The following PAK5 variants were observed in gnomAD, a reference collection of about 807,000 sequenced individuals.
PAK5 encodes serine/threonine-protein kinase PAK 5.
In PAK5, 16 loss-of-function variants were observed where a neutral mutation model predicts 65.9. The observed-to-expected ratio is 0.24, with a 90% CI of 0.16 to 0.37. The LOEUF is 0.37. Among genes scored for constraint, PAK5 ranks in the 10% least tolerant of loss-of-function variants. The pLI is 1.00. For missense variants in PAK5, 785 were observed against 903.9 expected, an observed-to-expected ratio of 0.87 and a Z score of 1.69; for synonymous variants, 371 against 354.9, an observed-to-expected ratio of 1.05 and a Z score of -0.51.
chr20:9,586,459 G>A (rs953669054), intron 3 of PAK5, among the ~76,000 whole-genome samples: 1 of 151,986 alleles, frequency 6.6e-6, no homozygotes, highest in Admixed American at 6.6e-5. Context: ...GTCAAAAAGA[G>A]GCATCTATTT....
chr20:9,611,247 G>A (rs764157868), intron 3 of PAK5, among the ~76,000 whole-genome samples: 1 of 152,176 alleles, frequency 6.6e-6, no homozygotes, highest in African/African-American at 2.4e-5. Context: ...TTTAAGTGGA[G>A]GCAATTGAGA....
chr20:9,694,827 G>A (rs551394955), intron 2 of PAK5, among the ~76,000 whole-genome samples: 1 of 152,016 alleles, frequency 6.6e-6, no homozygotes, highest in South Asian at 2.1e-4. Context: ...TTCTAATTCA[G>A]GACTTTTAAA....
intron 1 of PAK5, among the ~76,000 whole-genome samples, chr20:9,820,068 A>G (rs1258667374): frequency 6.6e-6 from 1 of 152,210 alleles, no homozygotes; most frequent in African/African-American, 2.4e-5. Flanking sequence ...CTTCTGCTAT[A>G]CAGGTCAACA....
At chr20:9,550,731 G>GGTGTGTGTGTGTGTGT (rs111410496) in intron 7 of PAK5, among the ~76,000 whole-genome samples, 78 of 148,566 alleles carry the variant, frequency 5.3e-4, no homozygotes, top group East Asian at 4.0e-3. Context: ...CCATAATTGT[G>GGTGTGTGTGTGTGTGT]GTGTGTGTGT....
chr20:9,574,280 C>G (rs1028558102), intron 4 of PAK5, among the ~76,000 whole-genome samples: 2 of 152,168 alleles, frequency 1.3e-5, no homozygotes, highest in African/African-American at 4.8e-5. Flanking sequence ...CAAAGCCTAG[C>G]TATATGAAGC....
chr20:9,655,019 T>C (rs1051263095), intron 2 of PAK5, among the ~76,000 whole-genome samples: 5 of 152,180 alleles, frequency 3.3e-5, no homozygotes, highest in African/African-American at 9.7e-5. Flanking sequence ...GTCTACCCTG[T>C]CCACGCCACC....
chr20:9,708,951 C>T (rs758214274), intron 2 of PAK5, among the ~76,000 whole-genome samples: 10 of 152,158 alleles, frequency 6.6e-5, no homozygotes, highest in South Asian at 6.2e-4. Flanking sequence ...CACATCCACA[C>T]TACCCTACAA....
intron 7 of PAK5, among the ~76,000 whole-genome samples, chr20:9,555,651 A>C (rs916721353): frequency 2.0e-5 from 3 of 152,158 alleles, no homozygotes; most frequent in African/African-American, 7.2e-5. Flanking sequence ...AAATGCATAC[A>C]CAGTCTTCTT....
intron 2 of PAK5, among the ~76,000 whole-genome samples, chr20:9,659,302 A>T (rs992722491): frequency 1.3e-5 from 2 of 152,208 alleles, no homozygotes; most frequent in African/African-American, 2.4e-5. Context: ...AGAGAACCTT[A>T]TGTAACCTTA....
chr20:9,688,709 A>G (rs973011590), intron 2 of PAK5, among the ~76,000 whole-genome samples: 5 of 151,928 alleles, frequency 3.3e-5, no homozygotes, highest in Non-Finnish European at 7.4e-5. Flanking sequence ...AGTCAGGGGC[A>G]CTCCAACACT....
intron 1 of PAK5, among the ~76,000 whole-genome samples, chr20:9,810,315 G>A (rs2049283796): frequency 6.6e-6 from 1 of 152,220 alleles, no homozygotes; most frequent in South Asian, 2.1e-4. Context: ...GCTCATGCCT[G>A]TAGTCCAGTT....
chr20:9,590,681 G>A (rs1480104944), intron 3 of PAK5, among the ~76,000 whole-genome samples: 1 of 152,026 alleles, frequency 6.6e-6, no homozygotes, highest in Non-Finnish European at 1.5e-5. Flanking sequence ...TAGAGGGAGG[G>A]AGTCATATGG....
At chr20:9,794,836 C>T (rs1402849512) in intron 1 of PAK5, among the ~76,000 whole-genome samples, 1 of 151,918 alleles carries the variant, frequency 6.6e-6, no homozygotes, top group Non-Finnish European at 1.5e-5. Flanking sequence ...ATCATACATT[C>T]GACGAAAGAA....
intron 1 of PAK5, among the ~76,000 whole-genome samples, chr20:9,784,197 T>C (rs985480091): frequency 6.6e-6 from 1 of 152,194 alleles, no homozygotes; most frequent in African/African-American, 2.4e-5. Flanking sequence ...ACTTCTACAA[T>C]ATTATGAGGG....
intron 5 of PAK5, 73 bp from the exon 6 acceptor site, chr20:9,563,097 C>T (rs2045617553): frequency 7.5e-7 from 1 of 1,332,070 alleles, no homozygotes; most frequent in Admixed American, 1.7e-5. Flanking sequence ...GCCACAACTA[C>T]AATTGTAAGT....
At chr20:9,683,419 A>C (rs2047676368) in intron 2 of PAK5, among the ~76,000 whole-genome samples, 1 of 152,256 alleles carries the variant, frequency 6.6e-6, no homozygotes, top group Non-Finnish European at 1.5e-5. Context: ...ATTTCCATTA[A>C]TATAGGACCA....
chr20:9,673,759 A>T (rs1036639852), intron 2 of PAK5, among the ~76,000 whole-genome samples: 1 of 152,058 alleles, frequency 6.6e-6, no homozygotes, highest in Non-Finnish European at 1.5e-5. Flanking sequence ...TTTTTATGGG[A>T]CATTTCTGCC....
At chr20:9,750,780 T>C (rs1279027108) in intron 1 of PAK5, among the ~76,000 whole-genome samples, 1 of 152,140 alleles carries the variant, frequency 6.6e-6, no homozygotes, top group Non-Finnish European at 1.5e-5. Context: ...CATGATCGCT[T>C]ACACTGTAAC....
Position 9,542,535 on chromosome 20 carries a change from A to G in PAK5, c.2004+51T>C, listed in dbSNP as rs553961027. On this transcript the variant is annotated intron_variant, in intron 9 of 9. Coordinates refer to ENST00000353224, the MANE Select transcript of PAK5 (RefSeq NM_177990.4). ...CCAGTCTTAAAAACCAGAGAGATAC[A>G]GGAAAATCCAAAAACTATTCTGAAC... The G allele has an allele frequency of 3.1e-5, 50 of 1,600,188 alleles. No homozygotes were observed. In the East Asian group the frequency reaches 1.1e-3, roughly 34 times the overall value.
Sources: allele counts gnomAD v4.1 joint callset (sites outside exome capture counted in the v4.1 genomes callset), GRCh38; gene constraint gnomAD v4.1.1; transcripts MANE v1.5; gene names NCBI Gene and HGNC (gene_info 2026-07-23, HGNC 2026-07-21).